Variants in NNMT observed in about 807,000 individuals in gnomAD.
The protein encoded by NNMT is nicotinamide N-methyltransferase.
Under a neutral mutation model 11.7 loss-of-function variants are expected in NNMT, and 10 were observed. That is an observed-to-expected ratio of 0.85 (90% CI 0.53 to 1.45). The LOEUF (loss-of-function observed/expected upper bound fraction) is 1.45, where lower values mean the gene tolerates loss of function less well. Ranked by LOEUF, NNMT falls within the 40% of genes most tolerant of loss-of-function variation. NNMT has a pLI of 0.00. For missense variants in NNMT, 381 were observed against 319.4 expected, an observed-to-expected ratio of 1.19 and a Z score of -1.47; for synonymous variants, 143 against 133.8, an observed-to-expected ratio of 1.07 and a Z score of -0.48.
At chr11:114,276,709 G>A (rs573192415) in intron 2 of NNMT, among the ~76,000 whole-genome samples, 1 of 152,176 alleles carries the variant, frequency 6.6e-6, no homozygotes, top group Non-Finnish European at 1.5e-5. Flanking sequence ...AGCCCCCCAT[G>A]ATCTCCTAGT....
intron 2 of NNMT, among the ~76,000 whole-genome samples, chr11:114,272,823 A>G (rs1028664466): frequency 3.9e-5 from 6 of 152,190 alleles, no homozygotes; most frequent in Middle Eastern, 3.2e-3. Context: ...TTAACAGGAG[A>G]AAAAATAACA....
At chr11:114,307,718 T>A (rs1945505729) in intron 2 of NNMT, among the ~76,000 whole-genome samples, 1 of 152,096 alleles carries the variant, frequency 6.6e-6, no homozygotes, top group South Asian at 2.1e-4. Flanking sequence ...GGCTCTCTCC[T>A]CCTGTGTTTC....
chr11:114,309,145 T>C (rs141800073), intron 2 of NNMT, among the ~76,000 whole-genome samples: 114 of 152,368 alleles, frequency 7.5e-4, no homozygotes, highest in African/African-American at 2.7e-3. Context: ...ACTCTACCTT[T>C]TGATATACAC....
chr11:114,307,118 T>C (rs1162375824), intron 2 of NNMT, among the ~76,000 whole-genome samples: 1 of 152,180 alleles, frequency 6.6e-6, no homozygotes, highest in African/African-American at 2.4e-5. Context: ...ATAGGTGCTC[T>C]TGCCACCTTA....
upstream of NNMT, among the ~76,000 whole-genome samples, chr11:114,295,329 G>A (rs1284539911): frequency 6.6e-6 from 1 of 151,704 alleles, no homozygotes; most frequent in African/African-American, 2.4e-5. Context: ...GGGAATGCAC[G>A]AAAGAATGCT....
chr11:114,298,214 C>T, intron 2 of NNMT, 56 bp downstream of exon 2: 1 of 1,465,006 alleles, frequency 6.8e-7, no homozygotes. Context: ...TGATGGTTGG[C>T]AAAAGCAACA....
In NNMT at chr11:114,259,351, G is replaced by GC. The variant is rs1253723105; in HGVS notation, c.-217+1473_-217+1474insC. ...TACACACACGCAGAGGCCCAGTGGG[G>GC]GGGGGGGAGCTCCTGCATCCCCACA... On this transcript the variant is annotated intron_variant, in intron 1 of 4. Transcript: ENST00000535401. Among the ~76,000 whole-genome samples, 9 of 150,274 alleles carry GC rather than the reference G, an allele frequency of 6.0e-5. 1 individual carries two copies. The highest frequency in any genetic ancestry group is 2.3e-4 in the African/African-American group (9 of 39,940).
intron 2 of NNMT, chr11:114,262,995 G>A (rs1945095341): frequency 6.6e-6 from 1 of 152,196 alleles, no homozygotes; most frequent in African/African-American, 2.4e-5. Flanking sequence ...ACAAATGGCA[G>A]GGGAGGTGGG....
At chr11:114,258,460 G>T (rs1360274055) in intron 1 of NNMT, among the ~76,000 whole-genome samples, 1 of 152,232 alleles carries the variant, frequency 6.6e-6, no homozygotes, top group East Asian at 1.9e-4. Flanking sequence ...GGCCAAGGCC[G>T]CCTCCCTCCA....
chr11:114,289,593 A>T (rs975826532), intron 2 of NNMT, among the ~76,000 whole-genome samples: 2 of 152,080 alleles, frequency 1.3e-5, no homozygotes, highest in African/African-American at 4.8e-5. Context: ...AATTTCCATT[A>T]TGATTTCTTC....
chr11:114,302,126 T>G (rs1945444680), intron 2 of NNMT, among the ~76,000 whole-genome samples: 1 of 152,158 alleles, frequency 6.6e-6, no homozygotes, highest in African/African-American at 2.4e-5. Flanking sequence ...CTAACTGGAT[T>G]GTTTAGTCCA....
upstream of NNMT, among the ~76,000 whole-genome samples, chr11:114,291,590 C>T (rs976595541): frequency 1.3e-5 from 2 of 152,134 alleles, no homozygotes; most frequent in Non-Finnish European, 2.9e-5. Context: ...TGTCTGCATG[C>T]AGCTGTTGGC....
chr11:114,261,904 C>T (rs1269835024), intron 1 of NNMT, among the ~76,000 whole-genome samples: 1 of 152,156 alleles, frequency 6.6e-6, no homozygotes, highest in Admixed American at 6.5e-5. Flanking sequence ...CGCGAGGCCT[C>T]ATCTTGCACT....
At chr11:114,258,789 T>C (rs887593399) in intron 1 of NNMT, among the ~76,000 whole-genome samples, 1 of 152,202 alleles carries the variant, frequency 6.6e-6, no homozygotes, top group Non-Finnish European at 1.5e-5. Context: ...AGATCACTCT[T>C]GAGCCCCTCG....
At chr11:114,266,105 A>G (rs1177693467) in intron 2 of NNMT, among the ~76,000 whole-genome samples, 2 of 151,904 alleles carry the variant, frequency 1.3e-5, no homozygotes, top group Non-Finnish European at 2.9e-5. Context: ...TTTTCCTCCT[A>G]CTTACATTCA....
chr11:114,292,164 A>G (rs1394645863), upstream of NNMT, among the ~76,000 whole-genome samples: 1 of 152,190 alleles, frequency 6.6e-6, no homozygotes, highest in African/African-American at 2.4e-5. Context: ...CTATTCAATT[A>G]CATATAACAT....
At chr11:114,293,048 G>T (rs1272160179), upstream of NNMT, among the ~76,000 whole-genome samples, 3 of 152,156 alleles carry the variant, frequency 2.0e-5, no homozygotes, top group Non-Finnish European at 4.4e-5. Context: ...AGTTTTTCCA[G>T]TTGTCCATTT....
At chr11:114,303,353 A>G (rs1472319541) in intron 2 of NNMT, among the ~76,000 whole-genome samples, 2 of 152,222 alleles carry the variant, frequency 1.3e-5, no homozygotes, top group African/African-American at 4.8e-5. Flanking sequence ...CTCTCTTACC[A>G]GTATTTATTA....
At chr11:114,295,324 T>G (rs1216927548), upstream of NNMT, among the ~76,000 whole-genome samples, 2 of 151,808 alleles carry the variant, frequency 1.3e-5, no homozygotes, top group Non-Finnish European at 2.9e-5. Context: ...CCAGTGGGAA[T>G]GCACGAAAGA....
Sources: allele counts gnomAD v4.1 joint callset (sites outside exome capture counted in the v4.1 genomes callset), GRCh38; gene constraint gnomAD v4.1.1; transcripts MANE v1.5; gene names NCBI Gene and HGNC (gene_info 2026-07-23, HGNC 2026-07-21).